RABGGTB: variants seen among roughly 807,000 people sequenced by gnomAD.
The protein encoded by RABGGTB is geranylgeranyl transferase type-2 subunit beta.
Under a neutral mutation model 44.5 loss-of-function variants are expected in RABGGTB, and 20 were observed. The ratio of observed to expected loss-of-function variants is 0.45; its 90% confidence interval spans 0.32 to 0.65. RABGGTB has a LOEUF of 0.65. Among genes scored for constraint, RABGGTB ranks in the 30% least tolerant of loss-of-function variants. The pLI is 0.05. For missense variants in RABGGTB, 302 were observed against 398.7 expected (o/e 0.76, Z 2.06); for synonymous variants, 128 against 136.7 (o/e 0.94, Z 0.44).
At position 75,790,037 on chromosome 1, in the gene RABGGTB, CT is replaced by C. The variant is rs1200225010; in HGVS notation, c.399del (p.Phe133LeufsTer43). 1 of 1,612,542 alleles carries C rather than the reference CT, an allele frequency of 6.2e-7. No homozygotes were observed. The highest frequency in any genetic ancestry group is 8.5e-7 in the Non-Finnish European group (1 of 1,179,072). On this transcript the variant is annotated frameshift_variant, in exon 4 of 9. Transcript: ENST00000319942. LOFTEE classifies it high-confidence loss of function. Reference sequence around the variant, plus strand: ...AAAGGTCTACAGAAAGAAGATGGTTCTTTTGCTGGAGATATTTGGGGTAATG... The same window carrying C: ...AAAGGTCTACAGAAAGAAGATGGTTCTTTGCTGGAGATATTTGGGGTAATG... ...YVKGLQKEDG[S>X]FAGDIWGEID...
chr1:75,792,714 A>G (rs1348803625), intron 7 of RABGGTB, among the ~76,000 whole-genome samples: 1 of 152,246 alleles, frequency 6.6e-6, no homozygotes, highest in Non-Finnish European at 1.5e-5. Context: ...GTAAGGGACA[A>G]ATAGTGAATA....
chr1:75,789,409 G>C (rs1649589120), intron 3 of RABGGTB, 53 bp downstream of exon 3: 4 of 1,557,416 alleles, frequency 2.6e-6, no homozygotes, highest in African/African-American at 2.7e-5. Flanking sequence ...TCTTACTTCA[G>C]AGTTGGAAAT....
At chr1:75,790,466 A>T in intron 4 of RABGGTB, 3 of 1,053,464 alleles carry the variant, frequency 2.8e-6, no homozygotes, top group Non-Finnish European at 3.4e-6. Context: ...AGTGCAGGCC[A>T]GAGAGACCAG....
chr1:75,792,382 A>G (rs895068265), intron 7 of RABGGTB, 76 bp downstream of exon 7: 49 of 1,563,302 alleles, frequency 3.1e-5, no homozygotes, highest in East Asian at 1.4e-4. Context: ...GCCTGTTTCT[A>G]TATTGTAAAT....
At chr1:75,786,323 G>C (rs761910757) in intron 1 of RABGGTB, 49 bp downstream of exon 1, 3 of 1,609,400 alleles carry the variant, frequency 1.9e-6, no homozygotes, top group Admixed American at 1.7e-5. Context: ...TAGCAGACAG[G>C]GTGGAGTAGG....
Position 75,794,509 on chromosome 1 carries a change from G to C in RABGGTB, c.856-1G>C. On this transcript the variant is annotated splice_acceptor_variant, in intron 8 of 8. Transcript: ENST00000319942. LOFTEE classifies it high-confidence loss of function. ...CTGTATATAAATTCTTTTTTAAATAGGTGGATCCTTTTCATACCTTATTTG... is the reference window on the plus strand; with the variant it reads ...CTGTATATAAATTCTTTTTTAAATACGTGGATCCTTTTCATACCTTATTTG... 1 of 1,608,488 alleles carries C rather than the reference G, an allele frequency of 6.2e-7. No individual in the cohort carries two copies. Among genetic ancestry groups the C allele is most frequent in the Non-Finnish European group, 8.5e-7 (1 of 1,177,284 alleles).
intron 2 of RABGGTB, 162 bp downstream of exon 2, chr1:75,787,766 A>G: frequency 1.5e-6 from 1 of 672,940 alleles, no homozygotes; most frequent in Non-Finnish European, 2.6e-6. Flanking sequence ...TGGACGTCTG[A>G]GGCTGTGGGC....
At chr1:75,793,151 T>A (rs1649687954) in intron 7 of RABGGTB, among the ~76,000 whole-genome samples, 1 of 151,456 alleles carries the variant, frequency 6.6e-6, no homozygotes, top group Admixed American at 6.6e-5. Context: ...TAAAAACTAT[T>A]CCTACACTAT....
Position 75,788,839 on chromosome 1 carries a change from C to A in RABGGTB, c.112-320C>A, listed in dbSNP as rs1224671790. The A allele has an allele frequency of 2.7e-5, 9 of 329,274 alleles. No individual in the cohort carries two copies. In the East Asian group the frequency reaches 5.5e-4, roughly 20 times the overall value. 20.4% of individuals were successfully genotyped at this position (329,274 alleles called of 1,614,324 possible). On this transcript the variant is annotated intron_variant, in intron 2 of 8. Coordinates refer to ENST00000319942, the MANE Select transcript of RABGGTB (RefSeq NM_004582.4). ...ATAGGTACTCGGAAAGAAATACTCT[C>A]CCTGAACTTCACTGATGAAAAAGGT...
chr1:75,789,050 A>G (rs1259900503), intron 2 of RABGGTB, 109 bp from the exon 3 acceptor site: 10 of 954,044 alleles, frequency 1.0e-5, no homozygotes, highest in South Asian at 1.5e-5. Flanking sequence ...TGTTAAGGTC[A>G]GGAGAGGTAA....
rs770430958 is a variant in RABGGTB, at chr1:75,787,614, A to AT, written c.111+17dup. ...AAAGAAAGATGATTATGTATGTATA[A>AT]TTTTTTTATGTTGGAAAGTTTATTT... On this transcript the variant is annotated intron_variant, in intron 2 of 8. Transcript: ENST00000319942. 4.4e-6 allele frequency: 7 copies of AT among 1,590,076 alleles called. No individual in the cohort carries two copies. The highest frequency in any genetic ancestry group is 1.7e-4 in the Middle Eastern group (1 of 6,044).
At chr1:75,792,494 A>T (rs1194958312) in intron 7 of RABGGTB, among the ~76,000 whole-genome samples, 188 bp downstream of exon 7, 4 of 152,126 alleles carry the variant, frequency 2.6e-5, no homozygotes, top group African/African-American at 9.7e-5. Context: ...GAGTTGAAAT[A>T]CTCATTGATC....
At chr1:75,788,340 G>C (rs1488847858) in intron 2 of RABGGTB, 7 of 163,038 alleles carry the variant, frequency 4.3e-5, no homozygotes, top group Admixed American at 3.0e-4. Context: ...ACCTCACTTT[G>C]TTGCCCAGAC....
At chr1:75,786,247 CT>C, upstream of RABGGTB, 2 of 1,614,154 alleles carry the variant, frequency 1.2e-6, no homozygotes, top group Non-Finnish European at 1.7e-6. Context: ...GGAACTGACC[CT>C]GCTCTCTCCT....
At position 75,794,830 on chromosome 1, in the gene RABGGTB, T is replaced by C. The variant is rs888876546; in HGVS notation, c.*180T>C. On this transcript the variant is annotated 3_prime_UTR_variant, in exon 9 of 9. Coordinates refer to ENST00000319942, the MANE Select transcript of RABGGTB (RefSeq NM_004582.4). ...AAAGACCGGTATTTTATTTTCTGCT[T>C]TTTATTCTGAAGTCCTGTTATTCTG... 19 of 356,434 alleles carry C rather than the reference T, an allele frequency of 5.3e-5. No homozygotes were observed. The highest frequency in any genetic ancestry group is 7.4e-5 in the Non-Finnish European group (17 of 228,836). The allele number at this position is 356,434 out of a possible 1,614,324, so 22.1% of individuals were successfully genotyped here.
Position 75,789,231 on chromosome 1 carries a change from C to A in RABGGTB, c.184C>A (p.Gln62Lys). 3 of 1,613,934 alleles carry A rather than the reference C, an allele frequency of 1.9e-6. No homozygotes were observed. The highest frequency in any genetic ancestry group is 2.5e-6 in the Non-Finnish European group (3 of 1,179,874). Residue 62 changes from glutamine to lysine, a missense_variant, in exon 3 of 9, where the codon CAA (glutamine) becomes AAA (lysine). Transcript: ENST00000319942. ...TCTGACAGTAATGGATCTCATGGGA[C>A]AACTTCATCGCATGAATAGAGAAGA... is the stretch of plus-strand genomic sequence containing the variant. ...WGLTVMDLMG[Q>K]LHRMNREEIL...
chr1:75,788,003 C>T lies in RABGGTB; in HGVS notation c.111+399C>T, dbSNP rs374385565. 6.2e-4 allele frequency: 302 copies of T among 487,158 alleles called. 1 individual carries two copies. Among genetic ancestry groups the T allele is most frequent in the Middle Eastern group, 3.6e-3 (11 of 3,022 alleles). The allele number at this position is 487,158 out of a possible 1,614,324, so 30.2% of individuals were successfully genotyped here. A position where few individuals can be genotyped will look rare whatever the true frequency, so the allele number is the denominator to read the frequency against. ...AGTTTTACCTTAAATTTTTAAATTTCGAGGAAAACTCTGGGACAATCTTAG... is the reference window on the plus strand; with the variant it reads ...AGTTTTACCTTAAATTTTTAAATTTTGAGGAAAACTCTGGGACAATCTTAG... On this transcript the variant is annotated intron_variant, in intron 2 of 8. Coordinates refer to ENST00000319942, the MANE Select transcript of RABGGTB (RefSeq NM_004582.4).
rs1209566391 is a variant in RABGGTB, at chr1:75,792,275, C to T, written c.674C>T (p.Pro225Leu). 2 of 1,613,910 alleles carry T rather than the reference C, an allele frequency of 1.2e-6. No homozygotes were observed. Among genetic ancestry groups the T allele is most frequent in the Admixed American group, 3.3e-5 (2 of 60,012 alleles). ...LGWWLCERQL[P>L]SGGLNGRPEK... Reference sequence around the variant, plus strand: ...TGGTGGCTTTGTGAACGACAATTACCCTCAGGCGGGCTCAATGGAAGGCCG... The same window carrying T: ...TGGTGGCTTTGTGAACGACAATTACTCTCAGGCGGGCTCAATGGAAGGCCG... The change falls in exon 7 of 9, where the codon CCC (proline) becomes CTC (leucine). Residue 225 changes from proline to leucine, a missense_variant. Around this residue, in one of 2 missense-constraint regions of RABGGTB, gnomAD observed 213 missense variants for 323.7 expected, o/e 0.66. Transcript: ENST00000319942.
chr1:75,788,359 A>G (rs190496217), intron 2 of RABGGTB: 299 of 160,966 alleles, frequency 1.9e-3, no homozygotes, highest in African/African-American at 6.8e-3. Context: ...ACTGGAGGAC[A>G]GCGGTGCGAT....
Sources: gnomAD v4.1 joint callset for allele counts (sites outside exome capture counted in the v4.1 genomes callset) on GRCh38, gnomAD v4.1.1 for gene constraint, gnomAD v4.1.1 regional missense constraint, MANE v1.5 for transcripts, NCBI Gene and HGNC (gene_info 2026-07-23, HGNC 2026-07-21) for gene names.